Variants in TRHDE observed in about 807,000 individuals in gnomAD.
The protein encoded by TRHDE is thyrotropin releasing hormone degrading enzyme.
TRHDE carries 72 observed loss-of-function variants against 125.7 expected under a neutral mutation model. The ratio of observed to expected loss-of-function variants is 0.57; its 90% CI spans 0.47 to 0.70. The LOEUF is 0.70. Ranked by LOEUF, TRHDE falls within the 30% of genes least tolerant of loss-of-function variation. The pLI, the probability that TRHDE is intolerant of heterozygous loss-of-function variation, is 0.00. For synonymous variants in TRHDE, 509 were observed against 509.1 expected, an observed-to-expected ratio of 1.00 and a Z score of 0.00; for missense variants, 1,110 against 1,327.1, an observed-to-expected ratio of 0.84 and a Z score of 2.54.
intron 2 of TRHDE, among the ~76,000 whole-genome samples, chr12:72,234,908 T>G (rs1878312549): frequency 6.6e-6 from 1 of 152,184 alleles, no homozygotes; most frequent in African/African-American, 2.4e-5. Context: ...ATGCAATAAA[T>G]AATGTACTAA....
intron 5 of TRHDE, among the ~76,000 whole-genome samples, chr12:72,479,462 A>C (rs556916441): frequency 9.9e-5 from 15 of 152,228 alleles, no homozygotes; most frequent in Admixed American, 8.5e-4. Context: ...AAGATAAAAC[A>C]AGCATAATTC....
At position 72,115,121 on chromosome 12, in the gene TRHDE, T is replaced by C. The variant is rs538925800; in HGVS notation, n.279+9369T>C. 2.0e-5 allele frequency among the ~76,000 whole-genome samples: 3 copies of C among 152,214 alleles called. 1 individual carries two copies. In the South Asian group the frequency reaches 6.2e-4, roughly 32 times the overall value. Reference sequence around the variant, plus strand: ...TTATACTCTTTAAGTTATTTTAAAATGTACAGTTATTTTTGACTATACTCT... The same window carrying C: ...TTATACTCTTTAAGTTATTTTAAAACGTACAGTTATTTTTGACTATACTCT... On this transcript the variant is annotated intron_variant and non_coding_transcript_variant, in intron 2 of 4. Transcript: ENST00000548156.
intron 15 of TRHDE, among the ~76,000 whole-genome samples, chr12:72,641,927 G>A (rs896548754): frequency 6.6e-6 from 1 of 152,190 alleles, no homozygotes; most frequent in Middle Eastern, 3.4e-3. Flanking sequence ...ATAGTATTAG[G>A]AAGTAGGGTC....
At chr12:72,205,822 A>T (rs1423937639) in intron 2 of TRHDE, among the ~76,000 whole-genome samples, 1 of 152,202 alleles carries the variant, frequency 6.6e-6, no homozygotes, top group Non-Finnish European at 1.5e-5. Flanking sequence ...TGGATGTTCA[A>T]ATATCTCTTT....
intron 3 of TRHDE, among the ~76,000 whole-genome samples, chr12:72,380,220 G>C (rs772021562): frequency 1.6e-4 from 24 of 152,104 alleles, no homozygotes; most frequent in Middle Eastern, 3.2e-3. Flanking sequence ...GCCTACCGTG[G>C]ACATTTTTCT....
intron 2 of TRHDE, among the ~76,000 whole-genome samples, chr12:72,141,204 A>G (rs1876103868): frequency 6.6e-6 from 1 of 152,176 alleles, no homozygotes; most frequent in Non-Finnish European, 1.5e-5. Flanking sequence ...GAAAGTTTCT[A>G]TGAATAAAAT....
At position 72,238,305 on chromosome 12, in the gene TRHDE, T is replaced by TAC. The variant is rs1345448943; in HGVS notation, n.279+132554_279+132555insCA. ...ATATATATATATATATATATATATA[T>TAC]ATATATATATATATATACATATATA... On this transcript the variant is annotated intron_variant and non_coding_transcript_variant, in intron 2 of 4. Transcript: ENST00000548156. Among the ~76,000 whole-genome samples the TAC allele has an allele frequency of 6.4e-4, 22 of 34,204 alleles. 2 individuals are homozygous for TAC. Among genetic ancestry groups the TAC allele is most frequent in the African/African-American group, 2.0e-3 (20 of 9,968 alleles). 22.4% of individuals were successfully genotyped at this position (34,204 alleles called of 152,430 possible). A position where few individuals can be genotyped will look rare whatever the true frequency, so the allele number is the denominator to read the frequency against.
At chr12:72,217,669 A>T (rs1386140026) in intron 2 of TRHDE, among the ~76,000 whole-genome samples, 3 of 152,192 alleles carry the variant, frequency 2.0e-5, no homozygotes, top group Non-Finnish European at 4.4e-5. Flanking sequence ...AAGCAGCAAG[A>T]TCTCTGCAGA....
intron 2 of TRHDE, among the ~76,000 whole-genome samples, chr12:72,348,936 A>G (rs1870455636): frequency 6.6e-6 from 1 of 151,872 alleles, no homozygotes; most frequent in Admixed American, 6.6e-5. Context: ...GATATGGTAT[A>G]TGGTAAGTTT....
chr12:72,380,499 C>T (rs1202435996), intron 3 of TRHDE, among the ~76,000 whole-genome samples: 1 of 152,096 alleles, frequency 6.6e-6, no homozygotes. Flanking sequence ...GGACTAAACT[C>T]AGCAGATATC....
At chr12:72,434,131 T>C (rs562915870) in intron 3 of TRHDE, among the ~76,000 whole-genome samples, 15 of 152,232 alleles carry the variant, frequency 9.9e-5, no homozygotes, top group Admixed American at 1.3e-4. Flanking sequence ...ACGCCTATAG[T>C]CTCAGCACTT....
intron 2 of TRHDE, among the ~76,000 whole-genome samples, chr12:72,131,556 A>G (rs1386401378): frequency 6.6e-6 from 1 of 152,184 alleles, no homozygotes. Context: ...GAGCTTTCAT[A>G]AGAGTATTTT....
rs374859303 is a variant in TRHDE, at chr12:72,496,490, A to G, written c.1585-3008A>G. ...AAAACCGTCAGATCTCATGAGACTTATTTACTATCAGGAGAACAGTTATGT... is the reference window on the plus strand; with the variant it reads ...AAAACCGTCAGATCTCATGAGACTTGTTTACTATCAGGAGAACAGTTATGT... On this transcript the variant is annotated intron_variant, in intron 5 of 18. Transcript: ENST00000261180. Among the ~76,000 whole-genome samples, 26 of 152,210 alleles carry G rather than the reference A, an allele frequency of 1.7e-4. 1 individual carries two copies. The South Asian group carries it at 5.4e-3, about 32-fold the overall frequency.
intron 18 of TRHDE, 65 bp from the exon 19 acceptor site, chr12:72,662,986 AT>A (rs779393601): frequency 6.8e-5 from 100 of 1,477,260 alleles, no homozygotes; most frequent in Non-Finnish European, 8.5e-5. Flanking sequence ...ATTCTTGTTC[AT>A]GTTTGTTGGA....
At chr12:72,287,354 C>T (rs775130733) in intron 2 of TRHDE, among the ~76,000 whole-genome samples, 2 of 152,092 alleles carry the variant, frequency 1.3e-5, no homozygotes, top group African/African-American at 2.4e-5. Flanking sequence ...ATATAGTAAA[C>T]TCCATACACC....
chr12:72,495,940 ATG>A (rs1170641593), intron 5 of TRHDE, among the ~76,000 whole-genome samples: 1 of 152,218 alleles, frequency 6.6e-6, no homozygotes, highest in Non-Finnish European at 1.5e-5. Context: ...AACTATTTAA[ATG>A]TGGGCACATA....
chr12:72,504,261 A>G (rs1185256723), intron 6 of TRHDE, among the ~76,000 whole-genome samples: 2 of 152,144 alleles, frequency 1.3e-5, no homozygotes, highest in Non-Finnish European at 2.9e-5. Context: ...TGGAAGAATA[A>G]GCTGGATATG....
chr12:72,376,304 C>T (rs1232999704), intron 2 of TRHDE, among the ~76,000 whole-genome samples: 1 of 152,184 alleles, frequency 6.6e-6, no homozygotes, highest in African/African-American at 2.4e-5. Flanking sequence ...CCTTAGAGCA[C>T]TTCTTTATTA....
chr12:72,351,293 C>T (rs114080941), intron 2 of TRHDE, among the ~76,000 whole-genome samples: 31 of 151,918 alleles, frequency 2.0e-4, no homozygotes, highest in African/African-American at 7.5e-4. Flanking sequence ...AAAATTAGTT[C>T]CGCCATGTTA....
Sources: allele counts gnomAD v4.1 joint callset (sites outside exome capture counted in the v4.1 genomes callset), GRCh38; gene constraint gnomAD v4.1.1; transcripts MANE v1.5; gene names NCBI Gene and HGNC (gene_info 2026-07-23, HGNC 2026-07-21).